PACSIN2: variants seen among roughly 807,000 people sequenced by gnomAD.
The protein encoded by PACSIN2 is protein kinase C and casein kinase substrate in neurons protein 2.
Under a neutral mutation model 63.8 loss-of-function variants are expected in PACSIN2, and 25 were observed. That is an observed-to-expected ratio of 0.39 (90% CI 0.29 to 0.55). The LOEUF is 0.55. Among genes scored for constraint, PACSIN2 ranks in the 20% least tolerant of loss-of-function variants. The probability of loss-of-function intolerance (pLI) is 0.62; values close to 1 mark genes in which losing one functional copy is unlikely to be tolerated. For synonymous variants in PACSIN2, 255 were observed against 256.2 expected (o/e 1.00, Z 0.05); for missense variants, 518 against 646.9 (o/e 0.80, Z 2.16).
At chr22:42,879,876 G>A (rs1269277141) in intron 7 of PACSIN2, among the ~76,000 whole-genome samples, 1 of 152,164 alleles carries the variant, frequency 6.6e-6, no homozygotes, top group Non-Finnish European at 1.5e-5. Context: ...TTGCTGCCCT[G>A]GGACTTTTCC....
chr22:43,011,429 A>G (rs901187257), intron 1 of PACSIN2, among the ~76,000 whole-genome samples: 1 of 152,230 alleles, frequency 6.6e-6, no homozygotes, highest in Non-Finnish European at 1.5e-5. Context: ...GAAGGTGGCC[A>G]GAGAGCATCT....
Position 43,002,676 on chromosome 22 carries a change from C to T in PACSIN2, c.-78+12345G>A, listed in dbSNP as rs373391539. Reference sequence around the variant, plus strand: ...CTTAAGGTGTTCATACCCTTTAATACAAGATTTCTATTCTCGGGAATTTAT... The same window carrying T: ...CTTAAGGTGTTCATACCCTTTAATATAAGATTTCTATTCTCGGGAATTTAT... On this transcript the variant is annotated intron_variant, in intron 1 of 10. Transcript: ENST00000263246. Among the ~76,000 whole-genome samples the T allele has an allele frequency of 1.6e-4, 24 of 152,158 alleles. No individual in the cohort carries two copies. In the East Asian group the frequency reaches 3.9e-3, roughly 25 times the overall value.
intron 8 of PACSIN2, among the ~76,000 whole-genome samples, chr22:42,877,368 C>G (rs1928721792): frequency 1.3e-5 from 2 of 152,064 alleles, no homozygotes; most frequent in Admixed American, 6.6e-5. Context: ...CCAATGTGAG[C>G]TGGGGGGGTC....
intron 2 of PACSIN2, among the ~76,000 whole-genome samples, chr22:42,894,879 C>T (rs571239554): frequency 2.6e-5 from 4 of 152,088 alleles, no homozygotes; most frequent in African/African-American, 9.7e-5. Flanking sequence ...TCAGTTTTAC[C>T]TTTTCTAAAA....
Position 42,945,196 on chromosome 22 carries a change from C to T in PACSIN2, c.-77-33039G>A, listed in dbSNP as rs150682296. Among the ~76,000 whole-genome samples, 603 of 146,270 alleles carry T rather than the reference C, an allele frequency of 4.1e-3. 4 individuals carry two copies. Among genetic ancestry groups the T allele is most frequent in the African/African-American group, 0.015 (581 of 38,968 alleles). ...TGAGTCTGCACAGTGACTAGATGTA[C>T]GCACCGGCAATTACCAAGCTGACAG... is the stretch of plus-strand genomic sequence containing the variant. On this transcript the variant is annotated intron_variant, in intron 1 of 10. Coordinates refer to ENST00000263246, the MANE Select transcript of PACSIN2 (RefSeq NM_001184970.3).
chr22:42,923,505 G>C (rs1198768006), intron 1 of PACSIN2, among the ~76,000 whole-genome samples: 3 of 152,124 alleles, frequency 2.0e-5, no homozygotes, highest in Non-Finnish European at 2.9e-5. Context: ...TCGGCTCACT[G>C]TAAGCTCCGC....
chr22:42,980,622 GATTGCAGGCGCGCGC>G, intron 1 of PACSIN2, among the ~76,000 whole-genome samples: 1 of 131,490 alleles, frequency 7.6e-6, no homozygotes, highest in East Asian at 2.2e-4. Context: ...GAGTGCCTGC[GATTGCAGGCGCGCGC>G]CGCCACGCCT....
At chr22:43,012,394 T>G (rs1348898202) in intron 1 of PACSIN2, among the ~76,000 whole-genome samples, 1 of 151,542 alleles carries the variant, frequency 6.6e-6, no homozygotes, top group East Asian at 1.9e-4. Context: ...TGGATGGGTA[T>G]CCAGGATTAG....
chr22:42,989,071 G>T (rs969097291), intron 1 of PACSIN2, among the ~76,000 whole-genome samples: 6 of 152,106 alleles, frequency 3.9e-5, no homozygotes, highest in Admixed American at 6.5e-5. Flanking sequence ...TAGACACAGG[G>T]TCTCACTATG....
chr22:42,916,411 G>A (rs1341370190), intron 1 of PACSIN2, among the ~76,000 whole-genome samples: 1 of 146,704 alleles, frequency 6.8e-6, no homozygotes, highest in Non-Finnish European at 1.5e-5. Context: ...GTGGGGGTGG[G>A]GATGGGGGGT....
At chr22:42,963,383 G>A (rs1920930039) in intron 1 of PACSIN2, among the ~76,000 whole-genome samples, 1 of 152,210 alleles carries the variant, frequency 6.6e-6, no homozygotes, top group African/African-American at 2.4e-5. Flanking sequence ...CATCAGCTCA[G>A]GCCCCCTGCA....
chr22:42,969,800 T>C (rs1306502834), intron 1 of PACSIN2, among the ~76,000 whole-genome samples: 2 of 151,510 alleles, frequency 1.3e-5, no homozygotes, highest in East Asian at 1.9e-4. Flanking sequence ...CTGGGCTTGA[T>C]AGTGCACAGC....
rs961415765 is a variant in PACSIN2 at position 42,996,544 on chromosome 22, A to G, written c.-78+18477T>C. On this transcript the variant is annotated intron_variant, in intron 1 of 10. Transcript: ENST00000263246. The stretch of plus-strand genomic sequence containing the variant: ...AAGACTCTGCCGCAAAAAAAAAAAA[A>G]AAAAAAAATTGGCCAGGTATGATGG... Among the ~76,000 whole-genome samples the G allele has an allele frequency of 2.6e-5, 4 of 152,028 alleles. No homozygotes were observed. In the East Asian group the frequency reaches 5.8e-4, roughly 22 times the overall value.
At chr22:42,895,622 T>C (rs1036069221) in intron 2 of PACSIN2, among the ~76,000 whole-genome samples, 15 of 152,250 alleles carry the variant, frequency 9.9e-5, no homozygotes, top group African/African-American at 3.4e-4. Flanking sequence ...CACATTTACA[T>C]GACAACTCTT....
chr22:42,906,531 G>A (rs1029779778), intron 2 of PACSIN2, among the ~76,000 whole-genome samples: 8 of 152,190 alleles, frequency 5.3e-5, no homozygotes, highest in Admixed American at 2.6e-4. Context: ...CCCATAGGAC[G>A]ACAAAGTCTA....
intron 2 of PACSIN2, among the ~76,000 whole-genome samples, chr22:42,903,688 T>A (rs1047819492): frequency 1.3e-5 from 2 of 152,164 alleles, no homozygotes; most frequent in African/African-American, 4.8e-5. Context: ...GGGCTCGCCA[T>A]CTGCAAATGA....
intron 1 of PACSIN2, among the ~76,000 whole-genome samples, chr22:42,940,226 A>G (rs1366812536): frequency 6.6e-6 from 1 of 152,178 alleles, no homozygotes; most frequent in Non-Finnish European, 1.5e-5. Context: ...AAACTCCTTA[A>G]CTACTCAGTA....
At chr22:42,953,654 A>G (rs1212608564) in intron 1 of PACSIN2, among the ~76,000 whole-genome samples, 1 of 152,220 alleles carries the variant, frequency 6.6e-6, no homozygotes, top group Non-Finnish European at 1.5e-5. Flanking sequence ...CGAGGAAAAA[A>G]CCATTGTCTT....
rs772085602 is a variant in PACSIN2 at position 42,871,473 on chromosome 22, C to T, written c.1349-4G>A. On this transcript the variant is annotated splice_polypyrimidine_tract_variant and splice_region_variant and intron_variant, in intron 10 of 10. Transcript: ENST00000263246. This position sits in a 1 kb window ranked among gnomAD's most constrained non-coding sequence, Gnocchi z 5.4. ...TCCATCTTGGTCAGCTCATCCCCTG[C>T]AAGACAAAGAGGGAGCCGTCTCCAT... 6.2e-7 allele frequency: 1 copy of T among 1,607,782 alleles called. No individual in the cohort carries two copies. The highest frequency in any genetic ancestry group is 8.5e-7 in the Non-Finnish European group (1 of 1,174,294).
Sources: allele counts gnomAD v4.1 joint callset (sites outside exome capture counted in the v4.1 genomes callset), GRCh38; gene constraint gnomAD v4.1.1; non-coding constraint Gnocchi (gnomAD v3.1); transcripts MANE v1.5; gene names NCBI Gene and HGNC (gene_info 2026-07-23, HGNC 2026-07-21).